The following CD46 variants were observed in gnomAD, a reference collection of about 807,000 sequenced individuals.
The protein encoded by CD46 is membrane cofactor protein.
In CD46, 30 loss-of-function variants were observed where a neutral mutation model predicts 53.3. The observed-to-expected ratio is 0.56, with a 90% confidence interval of 0.42 to 0.76. The LOEUF (loss-of-function observed/expected upper bound fraction) is 0.76. Among genes scored for constraint, CD46 ranks in the 30% least tolerant of loss-of-function variants. CD46 has a pLI of 0.00. For synonymous variants in CD46, 142 were observed against 152.0 expected, an observed-to-expected ratio of 0.93 and a Z score of 0.48; for missense variants, 409 against 463.0, an observed-to-expected ratio of 0.88 and a Z score of 1.07.
intron 8 of CD46, among the ~76,000 whole-genome samples, chr1:207,776,009 G>C (rs1332620458): frequency 6.6e-6 from 1 of 152,192 alleles, no homozygotes; most frequent in African/African-American, 2.4e-5. Flanking sequence ...ACTGAGCTGC[G>C]GTGGGCTCCT....
At position 207,789,870 on chromosome 1, in the gene CD46, GAAAAAAA is replaced by G. The variant is rs150136290; in HGVS notation, c.1083-361_1083-355del. ...GCAACATAGTGAGATGCTGTGTCTT[GAAAAAAA>G]AAAAAAAAAAAAAAAAAAAAATCAA... is the stretch of plus-strand genomic sequence containing the variant. On this transcript the variant is annotated intron_variant, in intron 11 of 12. Transcript: ENST00000367042. 7.8e-4 allele frequency among the ~76,000 whole-genome samples: 34 copies of G among 43,374 alleles called. 1 individual carries two copies. The South Asian group carries it at 0.01, about 13-fold the overall frequency. 28.5% of individuals were successfully genotyped at this position (43,374 alleles called of 152,430 possible).
chr1:207,752,618 C>A lies in CD46; in HGVS notation c.97+309C>A, dbSNP rs147332915. On this transcript the variant is annotated intron_variant, in intron 1 of 12. Coordinates refer to ENST00000367042, the MANE Select transcript of CD46 (RefSeq NM_172351.3). The surrounding 1 kb of genome is among the most constrained non-coding windows in gnomAD (Gnocchi z 4.1). The stretch of plus-strand genomic sequence containing the variant: ...GTCGGCCAGGGGAGCGCGGACTGGG[C>A]GCCCTAGGTGAGGGCTTGTTCTGGA... Among the ~76,000 whole-genome samples, 1 of 151,920 alleles carries A rather than the reference C, an allele frequency of 6.6e-6. No homozygotes were observed. Among genetic ancestry groups the A allele is most frequent in the Admixed American group, 6.6e-5 (1 of 15,260 alleles).
chr1:207,767,797 C>G lies in CD46; in HGVS notation c.875C>G (p.Thr292Arg), dbSNP rs750076810. 4 of 1,612,766 alleles carry G rather than the reference C, an allele frequency of 2.5e-6. No individual in the cohort carries two copies. Among genetic ancestry groups the G allele is most frequent in the African/African-American group, 1.3e-5 (1 of 75,012 alleles). The stretch of plus-strand genomic sequence containing the variant: ...TTTCCAGTGTCGACTTCTTCCACTA[C>G]AAAATCTCCAGCGTCCAGTGCCTCA... Reference protein sequence around the residue: ...KCLKVSTSSTTKSPASSASGP... With the variant: ...KCLKVSTSSTRKSPASSASGP... The change falls in exon 7 of 13, where the codon ACA (threonine) becomes AGA (arginine). Residue 292 changes from threonine (T) to arginine (R), a missense_variant. Transcript: ENST00000367042.
intron 11 of CD46, among the ~76,000 whole-genome samples, chr1:207,788,159 T>C (rs1385516656): frequency 1.3e-5 from 2 of 152,014 alleles, no homozygotes; most frequent in African/African-American, 4.8e-5. Flanking sequence ...TGTGTATCCT[T>C]AAAAAAAGGC....
In CD46 at chr1:207,795,209, A is replaced by G. The variant is rs538219178; in HGVS notation, c.*1732A>G. On this transcript the variant is annotated 3_prime_UTR_variant, in exon 13 of 13. Transcript: ENST00000367042. ...TAATGTATAAAATAAATATTATACAATATACTTGTATAGCAGTTTCTGCTT... is the reference window on the plus strand; with the variant it reads ...TAATGTATAAAATAAATATTATACAGTATACTTGTATAGCAGTTTCTGCTT... The G allele has an allele frequency of 1.2e-4, 18 of 152,320 alleles. No individual in the cohort carries two copies. The South Asian group carries it at 3.7e-3, about 32-fold the overall frequency. The allele number at this position is 152,320 out of a possible 1,614,324, so 9.4% of individuals were successfully genotyped here.
chr1:207,753,631 A>C (rs1490357805), intron 1 of CD46, among the ~76,000 whole-genome samples: 1 of 152,124 alleles, frequency 6.6e-6, no homozygotes. Flanking sequence ...TGATCATGCC[A>C]CTGCACTCCA....
chr1:207,782,272 T>A (rs934197332), intron 8 of CD46, among the ~76,000 whole-genome samples: 7 of 152,206 alleles, frequency 4.6e-5, no homozygotes, highest in Non-Finnish European at 7.3e-5. Flanking sequence ...TTTTGTAACC[T>A]GCCACTTAAC....
At chr1:207,792,914 C>T (rs558068491) in intron 12 of CD46, among the ~76,000 whole-genome samples, 4 of 152,160 alleles carry the variant, frequency 2.6e-5, no homozygotes, top group Admixed American at 1.3e-4. Context: ...TTATTTTTGC[C>T]TTTTTATGTT....
At position 207,793,843 on chromosome 1, in the gene CD46, T is replaced by A; in HGVS notation, c.*366T>A. 2.0e-6 allele frequency: 1 copy of A among 492,918 alleles called. No homozygotes were observed. The highest frequency in any genetic ancestry group is 3.7e-6 in the Non-Finnish European group (1 of 272,400). The allele number at this position is 492,918 out of a possible 1,614,324, so 30.5% of individuals were successfully genotyped here. A position where few individuals can be genotyped will look rare whatever the true frequency, so the allele number is the denominator to read the frequency against. On this transcript the variant is annotated 3_prime_UTR_variant, in exon 13 of 13. Coordinates refer to ENST00000367042, the MANE Select transcript of CD46 (RefSeq NM_172351.3). The stretch of plus-strand genomic sequence containing the variant: ...AGTCAGCACAGCATGCCTGGTTGTA[T>A]TAAAGCAGGGATATGCTGTATTTTA...
chr1:207,785,484 G>A (rs996386381), intron 10 of CD46, 135 bp from the exon 11 acceptor site: 1 of 756,854 alleles, frequency 1.3e-6, no homozygotes, highest in Non-Finnish European at 2.4e-6. Context: ...GAGTCTGGAT[G>A]GAATATAAAT....
intron 7 of CD46, 181 bp from the exon 8 acceptor site, chr1:207,770,136 GTACA>G (rs1227018188): frequency 8.4e-6 from 5 of 594,368 alleles, no homozygotes; most frequent in Non-Finnish European, 1.5e-5. Flanking sequence ...GAGCATTCTT[GTACA>G]TACATCTTAC....
intron 8 of CD46, among the ~76,000 whole-genome samples, chr1:207,774,742 T>C (rs1178191217): frequency 6.6e-6 from 1 of 152,254 alleles, no homozygotes; most frequent in African/African-American, 2.4e-5. Flanking sequence ...GGGTTTCTGC[T>C]GAGACATCCG....
Position 207,752,396 on chromosome 1 carries a change from A to C in CD46, c.97+87A>C. On this transcript the variant is annotated intron_variant, in intron 1 of 12. Coordinates refer to ENST00000367042, the MANE Select transcript of CD46 (RefSeq NM_172351.3). The surrounding 1 kb of genome is among the most constrained non-coding windows in gnomAD (Gnocchi z 4.1). ...AGAGTCGCGGGGCGGGGCTCACAGC[A>C]GGCCGTGCCTGTTTGGGGACAGGGT... The C allele has an allele frequency of 8.0e-7, 1 of 1,251,900 alleles. No individual in the cohort carries two copies. The highest frequency in any genetic ancestry group is 1.2e-6 in the Non-Finnish European group (1 of 855,466). 77.5% of individuals were successfully genotyped at this position (1,251,900 alleles called of 1,614,324 possible).
rs184799032 is a variant in CD46 at position 207,784,597 on chromosome 1, T to A, written c.983-474T>A. On this transcript the variant is annotated intron_variant, in intron 9 of 12. Coordinates refer to ENST00000367042, the MANE Select transcript of CD46 (RefSeq NM_172351.3). ...AGTCATGCTAAAACTATATAAAAAA[T>A]TTTTTTTTCCTCTGTAGTCTTGTAT... Among the ~76,000 whole-genome samples, 37 of 152,046 alleles carry A rather than the reference T, an allele frequency of 2.4e-4. 1 individual carries two copies. The highest frequency in any genetic ancestry group is 1.7e-3 in the South Asian group (8 of 4,806).
chr1:207,789,267 T>G (rs924118897), intron 11 of CD46, among the ~76,000 whole-genome samples: 15 of 152,244 alleles, frequency 9.9e-5, no homozygotes, highest in African/African-American at 3.4e-4. Context: ...ACAAATAGTT[T>G]TTCCTTTTTT....
rs1302764704 is a variant in CD46, at chr1:207,790,287, A to G, written c.1117A>G (p.Lys373Glu). Residue 373 changes from lysine (K) to glutamate (E), a missense_variant, in exon 12 of 13, where the codon AAA becomes GAA. Coordinates refer to ENST00000367042, the MANE Select transcript of CD46 (RefSeq NM_172351.3). ...AACTGATGAGACCCACAGAGAAGTA[A>G]AATTTACTTCTCTCTGAGAAGGAGA... Reference protein sequence around the residue: ...YLTDETHREVKFTSL With the variant: ...YLTDETHREVEFTSL 1.9e-6 allele frequency: 3 copies of G among 1,599,952 alleles called. No individual in the cohort carries two copies. Among genetic ancestry groups the G allele is most frequent in the Non-Finnish European group, 2.6e-6 (3 of 1,167,326 alleles).
chr1:207,772,721 G>C (rs924431255), intron 8 of CD46, among the ~76,000 whole-genome samples: 16 of 152,270 alleles, frequency 1.1e-4, no homozygotes, highest in Middle Eastern at 3.4e-3. Context: ...TGTTAATGTT[G>C]AACCAGCCTT....
intron 7 of CD46, chr1:207,768,135 TGCATTTAAAGCACTTA>T: frequency 3.2e-6 from 1 of 313,752 alleles, no homozygotes; most frequent in Non-Finnish European, 6.0e-6. Context: ...ATAAGTGGGA[TGCATTTAAAGCACTTA>T]GCACAGTGCC....
intron 11 of CD46, among the ~76,000 whole-genome samples, chr1:207,788,170 T>A (rs1426349560): frequency 6.6e-6 from 1 of 152,050 alleles, no homozygotes; most frequent in Non-Finnish European, 1.5e-5. Flanking sequence ...AAAAAAAGGC[T>A]ATGGGGTAAT....
Sources: allele counts gnomAD v4.1 joint callset (sites outside exome capture counted in the v4.1 genomes callset), GRCh38; gene constraint gnomAD v4.1.1; non-coding constraint Gnocchi (gnomAD v3.1); transcripts MANE v1.5; gene names NCBI Gene and HGNC (gene_info 2026-07-23, HGNC 2026-07-21).